The following PDGFD variants were observed in gnomAD, a reference collection of about 807,000 sequenced individuals.
PDGFD encodes the protein platelet derived growth factor D.
Under a neutral mutation model 44.7 loss-of-function variants are expected in PDGFD, and 30 were observed. That is an observed-to-expected ratio of 0.67 (90% CI 0.50 to 0.91). The LOEUF is 0.91. Ranked by LOEUF, PDGFD falls within the 40% of genes least tolerant of loss-of-function variation. The probability of loss-of-function intolerance (pLI) is 0.00; values close to 1 mark genes in which losing one functional copy is unlikely to be tolerated. For missense variants in PDGFD, 445 were observed against 457.8 expected (o/e 0.97, Z 0.25); for synonymous variants, 173 against 168.4 (o/e 1.03, Z -0.21).
intron 1 of PDGFD, among the ~76,000 whole-genome samples, chr11:104,021,199 T>C (rs1366820431): frequency 6.6e-6 from 1 of 152,190 alleles, no homozygotes; most frequent in Non-Finnish European, 1.5e-5. Context: ...GGATTGATTA[T>C]CTTCAGAATG....
chr11:104,037,431 C>T, intron 1 of PDGFD: 5 of 1,614,046 alleles, frequency 3.1e-6, no homozygotes, highest in Non-Finnish European at 4.2e-6. Flanking sequence ...TCTACACAGC[C>T]GACCCACTGG....
intron 3 of PDGFD, among the ~76,000 whole-genome samples, chr11:103,950,738 A>G (rs1160967432): frequency 6.6e-6 from 1 of 152,140 alleles, no homozygotes; most frequent in African/African-American, 2.4e-5. Context: ...TGCCTTGGAT[A>G]ATGTGTGTAT....
At chr11:104,133,114 G>T (rs1320260131) in intron 1 of PDGFD, among the ~76,000 whole-genome samples, 2 of 152,050 alleles carry the variant, frequency 1.3e-5, no homozygotes, top group East Asian at 3.9e-4. Flanking sequence ...TTAGTTATGA[G>T]GATTAAATGA....
chr11:104,001,619 T>C (rs1859621049), intron 1 of PDGFD, among the ~76,000 whole-genome samples: 1 of 152,236 alleles, frequency 6.6e-6, no homozygotes. Flanking sequence ...TTCATCAGAA[T>C]TGCATCATAC....
intron 1 of PDGFD, among the ~76,000 whole-genome samples, chr11:104,030,587 C>T (rs1013406939): frequency 6.6e-5 from 10 of 152,182 alleles, no homozygotes; most frequent in African/African-American, 2.2e-4. Context: ...GGGACAACCA[C>T]TTTTTGAGAA....
chr11:104,027,151 G>A (rs972653895), intron 1 of PDGFD, among the ~76,000 whole-genome samples: 1 of 152,148 alleles, frequency 6.6e-6, no homozygotes, highest in South Asian at 2.1e-4. Context: ...CATATGCAAT[G>A]AAAGGATGTA....
At chr11:104,037,759 T>G (rs1187292832) in intron 1 of PDGFD, 1 of 1,614,136 alleles carries the variant, frequency 6.2e-7, no homozygotes, top group South Asian at 1.1e-5. Flanking sequence ...TGAAGGTGAT[T>G]TCTTACAGTG....
chr11:104,116,402 T>C (rs1861638351), intron 1 of PDGFD, among the ~76,000 whole-genome samples: 1 of 152,082 alleles, frequency 6.6e-6, no homozygotes, highest in South Asian at 2.1e-4. Flanking sequence ...CCTATTTTTA[T>C]ACCAGTACCA....
At chr11:103,913,237 C>T (rs1858059517) in intron 6 of PDGFD, among the ~76,000 whole-genome samples, 1 of 152,084 alleles carries the variant, frequency 6.6e-6, no homozygotes, top group African/African-American at 2.4e-5. Context: ...TTAAAATTGA[C>T]CATGTAATTT....
intron 1 of PDGFD, among the ~76,000 whole-genome samples, chr11:104,066,421 C>T (rs2134417746): frequency 1.3e-5 from 2 of 152,136 alleles, no homozygotes; most frequent in Middle Eastern, 6.8e-3. Context: ...CAGGGGTTTA[C>T]CCTGGTCTGG....
In PDGFD at chr11:103,965,127, A is replaced by T. The variant is rs76024099; in HGVS notation, c.511-17403T>A. ...TTTTATTTTATGTGAAATGATATGT[A>T]GACCTTGATATACAGCCACTGAACA... is the stretch of plus-strand genomic sequence containing the variant. On this transcript the variant is annotated intron_variant, in intron 3 of 6. Transcript: ENST00000393158. 8.0e-3 allele frequency among the ~76,000 whole-genome samples: 1,214 copies of T among 152,236 alleles called. 24 individuals are homozygous for T. Among genetic ancestry groups the T allele is most frequent in the African/African-American group, 0.028 (1,159 of 41,540 alleles).
intron 3 of PDGFD, among the ~76,000 whole-genome samples, chr11:103,962,623 G>T (rs1417410618): frequency 6.6e-6 from 1 of 152,132 alleles, no homozygotes; most frequent in Admixed American, 6.6e-5. Flanking sequence ...GAAAAGATTT[G>T]ATAATCACCA....
At chr11:104,054,478 T>C (rs1251586804) in intron 1 of PDGFD, among the ~76,000 whole-genome samples, 1 of 152,004 alleles carries the variant, frequency 6.6e-6, no homozygotes, top group African/African-American at 2.4e-5. Flanking sequence ...AAAACACATA[T>C]GTGGGAAATG....
intron 1 of PDGFD, among the ~76,000 whole-genome samples, chr11:104,107,165 T>C (rs1565336839): frequency 6.6e-6 from 1 of 152,080 alleles, no homozygotes; most frequent in East Asian, 1.9e-4. Context: ...ATCAATTGAG[T>C]TTGAGTTCAT....
intron 1 of PDGFD, among the ~76,000 whole-genome samples, chr11:104,076,161 CT>C (rs1860955780): frequency 1.3e-5 from 2 of 152,098 alleles, no homozygotes; most frequent in Admixed American, 6.6e-5. Context: ...AAGAAGGTTC[CT>C]TTTTTCCCCC....
At chr11:104,159,566 T>TAA (rs1227941969) in intron 1 of PDGFD, among the ~76,000 whole-genome samples, 1 of 152,182 alleles carries the variant, frequency 6.6e-6, no homozygotes, top group Non-Finnish European at 1.5e-5. Flanking sequence ...TCTAGACTCT[T>TAA]AGAGTGATAG....
At chr11:104,082,776 T>C (rs1479959085) in intron 1 of PDGFD, among the ~76,000 whole-genome samples, 4 of 152,068 alleles carry the variant, frequency 2.6e-5, no homozygotes, top group Non-Finnish European at 5.9e-5. Flanking sequence ...GGGCTACAGA[T>C]GCACACCACT....
chr11:104,162,268 A>G (rs1001608378), intron 1 of PDGFD, among the ~76,000 whole-genome samples: 1 of 151,908 alleles, frequency 6.6e-6, no homozygotes, highest in East Asian at 1.9e-4. Flanking sequence ...GATACTTGGG[A>G]GGGTGAGGAT....
chr11:104,129,366 ACTT>A (rs2119836571), intron 1 of PDGFD, among the ~76,000 whole-genome samples: 1 of 150,346 alleles, frequency 6.7e-6, no homozygotes, highest in African/African-American at 2.5e-5. Flanking sequence ...ATTTAACAGC[ACTT>A]CTTGTCAACT....
Sources: allele counts gnomAD v4.1 joint callset (sites outside exome capture counted in the v4.1 genomes callset), GRCh38; gene constraint gnomAD v4.1.1; transcripts MANE v1.5; gene names NCBI Gene and HGNC (gene_info 2026-07-23, HGNC 2026-07-21).